The following RAP1GAP2 variants were observed in gnomAD, a reference collection of about 807,000 sequenced individuals.
The protein encoded by RAP1GAP2 is RAP1 GTPase activating protein 2.
RAP1GAP2 carries 27 observed loss-of-function variants against 95.0 expected under a neutral mutation model. The ratio of observed to expected loss-of-function variants is 0.28; its 90% CI spans 0.21 to 0.39. The LOEUF is 0.39. Ranked by LOEUF, RAP1GAP2 falls within the 10% of genes least tolerant of loss-of-function variation. The pLI, the probability that RAP1GAP2 is intolerant of heterozygous loss-of-function variation, is 1.00. For missense variants in RAP1GAP2, 771 were observed against 970.0 expected, an observed-to-expected ratio of 0.79 and a Z score of 2.72; for synonymous variants, 373 against 380.9, an observed-to-expected ratio of 0.98 and a Z score of 0.24.
chr17:3,032,411 G>A lies in RAP1GAP2; in HGVS notation c.2185G>A (p.Gly729Ser). Residue 729 changes from glycine (G) to serine (S), a missense_variant and splice_region_variant, in exon 24 of 25, where the codon GGT becomes AGT. Gly to Ser is a moderately conservative substitution (Grantham distance 56, BLOSUM62 0). Transcript: ENST00000254695. ...DKLSHASSGAGH is the reference protein window; with the variant it reads ...DKLSHASSGASH ...CCTGTATGGATTTTTGTTGAAACAG[G>A]GTCACTAATGTGAAAGTGGAGTCCT... The A allele has an allele frequency of 1.9e-6, 3 of 1,613,954 alleles. No individual in the cohort carries two copies. Among genetic ancestry groups the A allele is most frequent in the Non-Finnish European group, 2.5e-6 (3 of 1,179,820 alleles).
At chr17:2,933,231 T>G (rs998400) in intron 3 of RAP1GAP2, among the ~76,000 whole-genome samples, 1 of 152,132 alleles carries the variant, frequency 6.6e-6, no homozygotes, top group African/African-American at 2.4e-5. Flanking sequence ...GAGACCACTG[T>G]GGAGTGAGGG....
Position 2,965,257 on chromosome 17 carries a change from G to A in RAP1GAP2, c.493-283G>A, listed in dbSNP as rs533845932. 2 of 448,704 alleles carry A rather than the reference G, an allele frequency of 4.5e-6. No homozygotes were observed. The highest frequency in any genetic ancestry group is 2.5e-5 in the South Asian group (1 of 39,630). The allele number at this position is 448,704 out of a possible 1,614,324, so 27.8% of individuals were successfully genotyped here. ...ATCCTGGGCAGTGACTTAACCCCCC[G>A]ACCATTGGTTTTCCCATCTGTGAAA... On this transcript the variant is annotated intron_variant, in intron 7 of 24. Coordinates refer to ENST00000254695, the MANE Select transcript of RAP1GAP2 (RefSeq NM_015085.5). This position sits in a 1 kb window ranked among gnomAD's most constrained non-coding sequence, Gnocchi z 4.7.
intron 19 of RAP1GAP2, among the ~76,000 whole-genome samples, chr17:3,024,803 A>G (rs1211150149): frequency 6.6e-6 from 1 of 152,268 alleles, no homozygotes; most frequent in East Asian, 1.9e-4. Context: ...GAAGCCAGAC[A>G]AAAAGACCAT....
At chr17:2,950,630 A>C (rs1182995425) in intron 3 of RAP1GAP2, among the ~76,000 whole-genome samples, 2 of 60,114 alleles carry the variant, frequency 3.3e-5, no homozygotes, top group Non-Finnish European at 2.8e-5. Context: ...TTTTTTTTTG[A>C]GACAGAGTCT....
intron 8 of RAP1GAP2, among the ~76,000 whole-genome samples, chr17:2,969,183 A>ATCTATC (rs1309428763): frequency 4.4e-3 from 319 of 73,210 alleles, no homozygotes; most frequent in African/African-American, 0.01. Context: ...ATCTATCTAT[A>ATCTATC]TATATATATA....
chr17:2,758,172 C>CA (rs1491245809), intron 1 of RAP1GAP2, among the ~76,000 whole-genome samples: 2 of 75,120 alleles, frequency 2.7e-5, no homozygotes, highest in East Asian at 5.1e-4. Flanking sequence ...CCTGGCCACG[C>CA]CCCCCCCCCT....
chr17:2,908,966 A>G (rs1166644662), intron 3 of RAP1GAP2, among the ~76,000 whole-genome samples: 1 of 152,128 alleles, frequency 6.6e-6, no homozygotes, highest in Admixed American at 6.5e-5. Context: ...TTGACCTCCC[A>G]AAGTGCTGGG....
At position 3,020,591 on chromosome 17, in the gene RAP1GAP2, C is replaced by T. The variant is rs769431801; in HGVS notation, c.1747C>T (p.Arg583Ter). 5.6e-6 allele frequency: 9 copies of T among 1,613,146 alleles called. No individual in the cohort carries two copies. Among genetic ancestry groups the T allele is most frequent in the African/African-American group, 1.3e-5 (1 of 75,046 alleles). ...GSEGQGDSRA[R>*]CDSTSSTPKT... ...AGAAGGCCAGGGCGACAGCCGGGCA[C>T]GATGGTAACTGTTGGGAAACCCCTA... Residue 583 changes from arginine (R) to a stop codon, truncating the protein, a stop_gained, in exon 19 of 25, where the codon CGA becomes TGA. Transcript: ENST00000254695. LOFTEE classifies it high-confidence loss of function.
chr17:2,993,443 C>T (rs900291494), intron 12 of RAP1GAP2, among the ~76,000 whole-genome samples: 11 of 133,708 alleles, frequency 8.2e-5, no homozygotes, highest in Middle Eastern at 5.7e-3. Context: ...CGTGGTGGCA[C>T]GTGCCTGTAG....
chr17:3,006,777 C>T (rs115741036), intron 16 of RAP1GAP2, among the ~76,000 whole-genome samples: 1 of 152,174 alleles, frequency 6.6e-6, no homozygotes, highest in African/African-American at 2.4e-5. Context: ...AGGCCCTATT[C>T]TGTTCCCTGG....
rs78104186 is a variant in RAP1GAP2 at position 2,967,988 on chromosome 17, G to C, written c.596+2345G>C. Among the ~76,000 whole-genome samples, 742 of 150,662 alleles carry C rather than the reference G, an allele frequency of 4.9e-3. 1 individual carries two copies. Among genetic ancestry groups the C allele is most frequent in the Non-Finnish European group, 7.3e-3 (493 of 67,530 alleles). Reference sequence around the variant, plus strand: ...TGTAGATTTCTTCTGTTTCAAGTTTGGATATAAAGAAGAAGAAGTTTTATG... The same window carrying C: ...TGTAGATTTCTTCTGTTTCAAGTTTCGATATAAAGAAGAAGAAGTTTTATG... On this transcript the variant is annotated intron_variant, in intron 8 of 24. Coordinates refer to ENST00000254695, the MANE Select transcript of RAP1GAP2 (RefSeq NM_015085.5).
chr17:2,991,364 TG>T lies in RAP1GAP2; in HGVS notation c.886del (p.Asp296ThrfsTer17). ...SPAFKEFLDLLGDTITLQDFK... is the reference protein window; with the variant it reads ...SPAFKEFLDLXGDTITLQDFK... ...GCTTTTAAGGAGTTCTTGGACCTGC[TG>T]GGGGACACGATCACACTGCAGGATT... On this transcript the variant is annotated frameshift_variant, in exon 12 of 25. Transcript: ENST00000254695. LOFTEE classifies it high-confidence loss of function. The T allele has an allele frequency of 6.2e-7, 1 of 1,605,194 alleles. No homozygotes were observed. The highest frequency in any genetic ancestry group is 8.5e-7 in the Non-Finnish European group (1 of 1,176,030).
At chr17:2,957,658 A>T (rs2044167036) in intron 3 of RAP1GAP2, 101 bp from the exon 4 acceptor site, 1 of 1,308,806 alleles carries the variant, frequency 7.6e-7, no homozygotes. Flanking sequence ...TCCCTGGGGA[A>T]GCCCCAGGCT....
chr17:3,011,179 C>T (rs1177279638), intron 17 of RAP1GAP2, among the ~76,000 whole-genome samples: 1 of 152,156 alleles, frequency 6.6e-6, no homozygotes, highest in Non-Finnish European at 1.5e-5. Flanking sequence ...CCGCCCACCT[C>T]AGCCTCACAA....
intron 2 of RAP1GAP2, among the ~76,000 whole-genome samples, chr17:2,842,800 C>T (rs528491213): frequency 1.3e-5 from 2 of 152,040 alleles, no homozygotes; most frequent in South Asian, 2.1e-4. Flanking sequence ...ACCTCGCTGT[C>T]CCACCCTCTC....
intron 8 of RAP1GAP2, among the ~76,000 whole-genome samples, chr17:2,969,130 T>C (rs992006474): frequency 6.6e-6 from 1 of 152,014 alleles, no homozygotes; most frequent in Non-Finnish European, 1.5e-5. Context: ...TGACATTTAT[T>C]CATCTCAATA....
Position 3,027,256 on chromosome 17 carries a change from C to T in RAP1GAP2, c.2107+186C>T, listed in dbSNP as rs533209810. 1.3e-5 allele frequency among the ~76,000 whole-genome samples: 2 copies of T among 152,358 alleles called. No individual in the cohort carries two copies. Among genetic ancestry groups the T allele is most frequent in the Admixed American group, 1.3e-4 (2 of 15,312 alleles). On this transcript the variant is annotated intron_variant, in intron 22 of 24. Transcript: ENST00000254695. This position sits in a 1 kb window ranked among gnomAD's most constrained non-coding sequence, Gnocchi z 5.2. The stretch of plus-strand genomic sequence containing the variant: ...CTTAAGATGCCCAAGTTCCTAAGCT[C>T]TTCTTACACTGAGAGTTGTGAAGCT...
At chr17:3,026,160 G>C in intron 20 of RAP1GAP2, 39 bp downstream of exon 20, 1 of 1,507,076 alleles carries the variant, frequency 6.6e-7, no homozygotes, top group African/African-American at 1.4e-5. Flanking sequence ...CTTCGGCCAC[G>C]TGGAGCCCTG....
chr17:2,814,595 C>A (rs919718462), intron 2 of RAP1GAP2, among the ~76,000 whole-genome samples: 1 of 152,144 alleles, frequency 6.6e-6, no homozygotes, highest in Admixed American at 6.5e-5. Flanking sequence ...AGTTCCTCCC[C>A]ACTTGGGGTC....
Sources: gnomAD v4.1 joint callset for allele counts (sites outside exome capture counted in the v4.1 genomes callset) on GRCh38, gnomAD v4.1.1 for gene constraint, Gnocchi (gnomAD v3.1) non-coding constraint, MANE v1.5 for transcripts, NCBI Gene and HGNC (gene_info 2026-07-23, HGNC 2026-07-21) for gene names.